IMMP2L: variants seen among roughly 807,000 people sequenced by gnomAD.
IMMP2L encodes inner mitochondrial membrane peptidase subunit 2, also known as mitochondrial inner membrane protease subunit 2.
IMMP2L carries 18 observed loss-of-function variants against 19.3 expected under a neutral mutation model. The ratio of observed to expected loss-of-function variants is 0.93; its 90% CI spans 0.64 to 1.38. IMMP2L has a LOEUF of 1.38. Among genes scored for constraint, IMMP2L ranks in the 40% most tolerant of loss-of-function variants. The pLI, the probability that IMMP2L is intolerant of heterozygous loss-of-function variation, is 0.00. For missense variants in IMMP2L, 233 were observed against 218.2 expected, an observed-to-expected ratio of 1.07 and a Z score of -0.43; for synonymous variants, 76 against 73.0, an observed-to-expected ratio of 1.04 and a Z score of -0.21.
chr7:111,024,345 AG>A (rs914737594), intron 3 of IMMP2L, among the ~76,000 whole-genome samples: 23 of 152,232 alleles, frequency 1.5e-4, no homozygotes, highest in Non-Finnish European at 2.9e-4. Flanking sequence ...TGACTACTTG[AG>A]GGGGCAGATC....
chr7:111,367,299 G>A (rs754243938), intron 3 of IMMP2L, among the ~76,000 whole-genome samples: 11 of 151,660 alleles, frequency 7.3e-5, no homozygotes, highest in Non-Finnish European at 1.3e-4. Flanking sequence ...ATAAGAATAC[G>A]AAGAGCCCTC....
chr7:111,409,606 T>G (rs951591657), intron 3 of IMMP2L, among the ~76,000 whole-genome samples: 1 of 151,810 alleles, frequency 6.6e-6, no homozygotes, highest in Non-Finnish European at 1.5e-5. Flanking sequence ...AATAATCTTA[T>G]GGTCTCTATA....
rs1286426984 is a variant in IMMP2L at position 111,223,041 on chromosome 7, TGAA to T, written c.240-259479_240-259477del. Reference sequence around the variant, plus strand: ...ATATGAATGATCTCAAAAGCAACATTGAAGAAAAAAACTGTTGCAAAATGACAT... The same window carrying T: ...ATATGAATGATCTCAAAAGCAACATTGAAAAAAACTGTTGCAAAATGACAT... On this transcript the variant is annotated intron_variant, in intron 3 of 5. Coordinates refer to ENST00000405709, the MANE Select transcript of IMMP2L (RefSeq NM_032549.4). 1.3e-5 allele frequency among the ~76,000 whole-genome samples: 2 copies of T among 151,918 alleles called. 1 individual carries two copies. The highest frequency in any genetic ancestry group is 2.9e-5 in the Non-Finnish European group (2 of 67,896).
intron 5 of IMMP2L, among the ~76,000 whole-genome samples, chr7:110,881,855 T>C (rs548402845): frequency 6.6e-6 from 1 of 152,324 alleles, no homozygotes; most frequent in East Asian, 1.9e-4. Flanking sequence ...TCTAGAGTGC[T>C]TTATGTAATG....
At chr7:111,500,235 C>A (rs1844054073) in intron 2 of IMMP2L, among the ~76,000 whole-genome samples, 1 of 152,140 alleles carries the variant, frequency 6.6e-6, no homozygotes, top group Non-Finnish European at 1.5e-5. Flanking sequence ...GATCAAAATG[C>A]AAGGCGGCAG....
chr7:111,442,464 C>T (rs1244247583), intron 3 of IMMP2L, among the ~76,000 whole-genome samples: 1 of 151,766 alleles, frequency 6.6e-6, no homozygotes, highest in Non-Finnish European at 1.5e-5. Context: ...GGATTTTACC[C>T]CTTTCATGAC....
chr7:110,940,517 G>T (rs1816623445), intron 4 of IMMP2L, among the ~76,000 whole-genome samples: 2 of 152,064 alleles, frequency 1.3e-5, no homozygotes, highest in South Asian at 4.1e-4. Context: ...GAAGTTTATA[G>T]ATTTCCAATA....
At chr7:111,295,880 G>A (rs1360901553) in intron 3 of IMMP2L, among the ~76,000 whole-genome samples, 1 of 150,560 alleles carries the variant, frequency 6.6e-6, no homozygotes, top group African/African-American at 2.4e-5. Context: ...AACTCTAAAT[G>A]GATTTTATAC....
At position 111,266,951 on chromosome 7, in the gene IMMP2L, C is replaced by T. The variant is rs150484182; in HGVS notation, c.239+220287G>A. Among the ~76,000 whole-genome samples the T allele has an allele frequency of 1.7e-3, 257 of 152,218 alleles. 6 individuals carry two copies. In the South Asian group the frequency reaches 0.035, roughly 21 times the overall value. On this transcript the variant is annotated intron_variant, in intron 3 of 5. Coordinates refer to ENST00000405709, the MANE Select transcript of IMMP2L (RefSeq NM_032549.4). ...AGATGAAGAAAGCAAAGTCAAGGCCCGGGTGTCTTTGATCAATTTCTCTAC... is the reference window on the plus strand; with the variant it reads ...AGATGAAGAAAGCAAAGTCAAGGCCTGGGTGTCTTTGATCAATTTCTCTAC...
intron 3 of IMMP2L, among the ~76,000 whole-genome samples, chr7:111,393,409 C>G (rs1023890654): frequency 6.6e-5 from 10 of 152,178 alleles, no homozygotes; most frequent in African/African-American, 2.2e-4. Flanking sequence ...AAACTTGTCC[C>G]ATTTCTCTTT....
chr7:110,735,699 C>T, intron 5 of IMMP2L, among the ~76,000 whole-genome samples: 1 of 146,730 alleles, frequency 6.8e-6, no homozygotes, highest in Admixed American at 6.9e-5. Context: ...CACACACACA[C>T]ACACACACAC....
At chr7:111,411,419 GC>G in intron 3 of IMMP2L, 1 of 496,434 alleles carries the variant, frequency 2.0e-6, no homozygotes, top group Non-Finnish European at 4.0e-6. Context: ...CATCAAGATG[GC>G]ACCACCTCAC....
chr7:110,682,789 G>A (rs541466514), intron 5 of IMMP2L, among the ~76,000 whole-genome samples: 2 of 152,238 alleles, frequency 1.3e-5, no homozygotes, highest in African/African-American at 2.4e-5. Context: ...AGATTCAGGA[G>A]TTACCCAGTT....
chr7:110,707,373 T>C (rs1413622758), intron 5 of IMMP2L, among the ~76,000 whole-genome samples: 6 of 3,578 alleles, frequency 1.7e-3, no homozygotes, highest in Non-Finnish European at 3.4e-3. Context: ...CCATGGTGTA[T>C]ATGTGCCACA....
intron 3 of IMMP2L, among the ~76,000 whole-genome samples, chr7:111,453,553 C>G (rs572964084): frequency 1.4e-4 from 21 of 152,056 alleles, no homozygotes; most frequent in African/African-American, 4.3e-4. Context: ...TGTTTGATAT[C>G]GGTAACTTGC....
intron 4 of IMMP2L, among the ~76,000 whole-genome samples, chr7:110,927,685 C>A (rs1815003624): frequency 6.6e-6 from 1 of 151,922 alleles, no homozygotes; most frequent in Non-Finnish European, 1.5e-5. Flanking sequence ...CTAGAACTTC[C>A]AGAAAAGAAT....
chr7:111,315,029 C>T (rs1364114707), intron 3 of IMMP2L, among the ~76,000 whole-genome samples: 1 of 152,010 alleles, frequency 6.6e-6, no homozygotes, highest in Non-Finnish European at 1.5e-5. Flanking sequence ...TAAAAGTATA[C>T]GTGCATATCT....
intron 3 of IMMP2L, among the ~76,000 whole-genome samples, chr7:111,243,174 G>C (rs1374531801): frequency 6.6e-6 from 1 of 151,982 alleles, no homozygotes; most frequent in Non-Finnish European, 1.5e-5. Context: ...ACGTTGCCTT[G>C]CTCACCAGCC....
chr7:110,804,206 T>A (rs1373669891), intron 5 of IMMP2L, among the ~76,000 whole-genome samples: 1 of 152,024 alleles, frequency 6.6e-6, no homozygotes, highest in Non-Finnish European at 1.5e-5. Context: ...GATCTTGGTA[T>A]TAGAAACATA....
Sources: gnomAD v4.1 joint callset for allele counts (sites outside exome capture counted in the v4.1 genomes callset) on GRCh38, gnomAD v4.1.1 for gene constraint, MANE v1.5 for transcripts, NCBI Gene and HGNC (gene_info 2026-07-23, HGNC 2026-07-21) for gene names.